Variants in SMG1 observed in about 807,000 individuals in gnomAD.
SMG1 encodes SMG1 nonsense mediated mRNA decay associated PI3K related kinase, also known as serine/threonine-protein kinase SMG1.
SMG1 carries 22 observed loss-of-function variants against 419.9 expected under a neutral mutation model. The ratio of observed to expected loss-of-function variants is 0.05; its 90% confidence interval spans 0.04 to 0.07. The LOEUF (loss-of-function observed/expected upper bound fraction) is 0.07. Among genes scored for constraint, SMG1 ranks in the 10% least tolerant of loss-of-function variants. SMG1 has a pLI of 1.00. For missense variants in SMG1, 3,185 were observed against 4,342.0 expected (o/e 0.73, Z 7.49); for synonymous variants, 1,538 against 1,553.5 (o/e 0.99, Z 0.23).
At chr16:18,923,683 C>T (rs1358757183) in intron 1 of SMG1, among the ~76,000 whole-genome samples, 2 of 151,012 alleles carry the variant, frequency 1.3e-5, no homozygotes, top group African/African-American at 4.9e-5. Context: ...AACCAAAACA[C>T]CAGGGACAAA....
intron 48 of SMG1, among the ~76,000 whole-genome samples, 172 bp downstream of exon 48, chr16:18,835,761 G>A (rs969257395): frequency 1.6e-4 from 24 of 152,178 alleles, no homozygotes; most frequent in South Asian, 4.1e-4. Context: ...AAAATTAGCC[G>A]GGCTTGGTGG....
Position 18,868,288 on chromosome 16 carries a change from A to C in SMG1, c.3097T>G (p.Ser1033Ala), listed in dbSNP as rs1486719166. Residue 1033 changes from serine to alanine, a missense_variant, in exon 22 of 63, where the codon TCC becomes GCC. Ser to Ala is a moderately conservative substitution (Grantham distance 99). Around this residue, in one of 27 missense-constraint regions of SMG1, gnomAD observed 70 missense variants for 185.7 expected, o/e 0.38. Coordinates refer to ENST00000446231, the MANE Select transcript of SMG1 (RefSeq NM_015092.5). ...CQDWLTRIRLSIMRVGLLAGQ... is the reference protein window; with the variant it reads ...CQDWLTRIRLAIMRVGLLAGQ... The stretch of plus-strand genomic sequence containing the variant: ...GCCAACAATCCTACCCTCATGATGG[A>C]GAGTCGAATCCGCGTTAGCCAGTCC... 5 of 1,498,526 alleles carry C rather than the reference A, an allele frequency of 3.3e-6. No individual in the cohort carries two copies. The highest frequency in any genetic ancestry group is 4.5e-6 in the Non-Finnish European group (5 of 1,110,624). The allele number at this position is 1,498,526 out of a possible 1,614,324, so 92.8% of individuals were successfully genotyped here.
chr16:18,858,026 G>A (rs998148437), intron 29 of SMG1, 144 bp downstream of exon 29: 7 of 603,690 alleles, frequency 1.2e-5, no homozygotes, highest in Non-Finnish European at 1.9e-5. Context: ...TCTGTATCTC[G>A]ATCGTATTGG....
rs764902088 is a variant in SMG1 at position 18,925,973 on chromosome 16, C to T, written c.69G>A (p.Arg23=). The change falls in exon 1 of 63, where the codon CGG becomes CGA. Residue 23 remains arginine (R), a synonymous_variant. Coordinates refer to ENST00000446231, the MANE Select transcript of SMG1 (RefSeq NM_015092.5). The stretch of plus-strand genomic sequence containing the variant: ...ACCTGGGTTGCCAGTCATTCCAGCT[C>T]CGCGGATACTTGGTGCCGCCGCCGC... The part of the protein sequence containing the change: ...GGGGGGTKYP[R]SWNDWQPRTD... The T allele has an allele frequency of 1.3e-6, 2 of 1,575,396 alleles. No individual in the cohort carries two copies. The highest frequency in any genetic ancestry group is 1.7e-6 in the Non-Finnish European group (2 of 1,166,940).
chr16:18,887,047 C>A (rs1306636718), intron 6 of SMG1, among the ~76,000 whole-genome samples: 1 of 152,126 alleles, frequency 6.6e-6, no homozygotes, highest in Non-Finnish European at 1.5e-5. Flanking sequence ...GAACTGTCAT[C>A]ATGTGTATGG....
Position 18,920,382 on chromosome 16 carries a change from C to CAA in SMG1, c.92+5566_92+5567dup, listed in dbSNP as rs67904345. Among the ~76,000 whole-genome samples, 65 of 100,774 alleles carry CAA rather than the reference C, an allele frequency of 6.5e-4. 1 individual carries two copies. Among genetic ancestry groups the CAA allele is most frequent in the East Asian group, 5.5e-3 (15 of 2,748 alleles). 66.1% of individuals were successfully genotyped at this position (100,774 alleles called of 152,430 possible). ...GGACAACAAGAGCAAAACTCCGTCT[C>CAA]AAAAAAAAAAAAAAAAAAGTTGGGG... On this transcript the variant is annotated intron_variant, in intron 1 of 62. Coordinates refer to ENST00000446231, the MANE Select transcript of SMG1 (RefSeq NM_015092.5).
At chr16:18,867,930 G>A (rs1304672297) in intron 22 of SMG1, among the ~76,000 whole-genome samples, 4 of 151,640 alleles carry the variant, frequency 2.6e-5, no homozygotes, top group African/African-American at 9.7e-5. Flanking sequence ...GGATGGTCTC[G>A]ATCTCCTGAC....
At chr16:18,815,893 C>G (rs2031956350) in intron 58 of SMG1, 3 of 501,990 alleles carry the variant, frequency 6.0e-6, no homozygotes, top group Non-Finnish European at 7.0e-6. Context: ...TTTCTGGAGG[C>G]TTAGTTTTCT....
At chr16:18,874,432 C>T (rs1414694798) in intron 13 of SMG1, among the ~76,000 whole-genome samples, 1 of 151,756 alleles carries the variant, frequency 6.6e-6, no homozygotes, top group East Asian at 1.9e-4. Context: ...AGCAACCGTG[C>T]CCAGCCCACA....
chr16:18,904,086 C>G (rs1237078531), intron 1 of SMG1, among the ~76,000 whole-genome samples: 1 of 151,042 alleles, frequency 6.6e-6, no homozygotes, highest in Admixed American at 6.6e-5. Context: ...TACAGGCGCC[C>G]AACACCACGC....
At chr16:18,882,077 A>G (rs2036424505) in intron 10 of SMG1, 88 bp downstream of exon 10, 1 of 874,892 alleles carries the variant, frequency 1.1e-6, no homozygotes. Flanking sequence ...ATGAAGGATT[A>G]ATAACAGTTC....
chr16:18,891,711 G>A (rs1231882750), intron 4 of SMG1, among the ~76,000 whole-genome samples: 1 of 152,200 alleles, frequency 6.6e-6, no homozygotes, highest in Non-Finnish European at 1.5e-5. Context: ...TGGGATTACA[G>A]GCATGAGCCA....
chr16:18,916,104 A>AC (rs2037965822), intron 1 of SMG1, among the ~76,000 whole-genome samples: 1 of 150,340 alleles, frequency 6.7e-6, no homozygotes, highest in Admixed American at 6.6e-5. Context: ...AAAAAAAAAA[A>AC]AAACCACCAC....
Position 18,819,551 on chromosome 16 carries a change from A to G in SMG1, c.9845T>C (p.Ile3282Thr). 1.9e-6 allele frequency: 3 copies of G among 1,607,138 alleles called. No homozygotes were observed. Among genetic ancestry groups the G allele is most frequent in the Non-Finnish European group, 1.7e-6 (2 of 1,176,508 alleles). ...APVLQDFEAT[I>T]AERRNLVLKE... ...AAGGACAAGATTTCTTCTTTCAGCT[A>G]TCGTTGCTTCAAAATCTTGTAGTAC... Residue 3282 changes from isoleucine to threonine, a missense_variant, in exon 56 of 63, where the codon ATA becomes ACA. Transcript: ENST00000446231.
At chr16:18,910,967 T>C (rs1160996545) in intron 1 of SMG1, among the ~76,000 whole-genome samples, 2 of 152,232 alleles carry the variant, frequency 1.3e-5, no homozygotes, top group Non-Finnish European at 1.5e-5. Flanking sequence ...GTAAGCAAGC[T>C]ATAAGCTACC....
rs1268607336 is a variant in SMG1 at position 18,820,678 on chromosome 16, G to A, written c.9742-1024C>T. On this transcript the variant is annotated intron_variant, in intron 55 of 62. Transcript: ENST00000446231. ...GTCTCTAAAATCATAAAGAGGAAGA[G>A]TTCATTCTTGTAAGTTGAAAACACA... 6.6e-5 allele frequency among the ~76,000 whole-genome samples: 10 copies of A among 152,290 alleles called. No homozygotes were observed. In the East Asian group the frequency reaches 1.7e-3, roughly 26 times the overall value.
intron 33 of SMG1, among the ~76,000 whole-genome samples, chr16:18,851,418 C>T (rs1366129264): frequency 6.6e-6 from 1 of 152,236 alleles, no homozygotes; most frequent in Non-Finnish European, 1.5e-5. Flanking sequence ...CGCGCACGCG[C>T]ACACACGTCT....
Position 18,834,346 on chromosome 16 carries a change from A to G in SMG1, c.8423T>C (p.Leu2808Pro). 2 of 1,613,876 alleles carry G rather than the reference A, an allele frequency of 1.2e-6. No homozygotes were observed. The change falls in exon 50 of 63, where the codon CTC becomes CCC. Residue 2808 changes from leucine to proline, a missense_variant. Leu to Pro is a moderately conservative substitution (Grantham distance 98). Around this residue, in one of 27 missense-constraint regions of SMG1, gnomAD observed 412 missense variants for 546.6 expected, o/e 0.75. Coordinates refer to ENST00000446231, the MANE Select transcript of SMG1 (RefSeq NM_015092.5). ...GGTGACGTTTCCGCTCATACTGCAG[A>G]GTTCCTCCAAGAACCAGGCTCCATC... is the stretch of plus-strand genomic sequence containing the variant. Reference protein sequence around the residue: ...SRDGAWFLEELCSMSGNVTCL... With the variant: ...SRDGAWFLEEPCSMSGNVTCL...
chr16:18,916,065 G>A (rs543507715), intron 1 of SMG1, among the ~76,000 whole-genome samples: 152 of 69,532 alleles, frequency 2.2e-3, no homozygotes, highest in African/African-American at 8.7e-3. Flanking sequence ...GCGACACTTC[G>A]TCTCAAAAAA....
Sources: allele counts gnomAD v4.1 joint callset (sites outside exome capture counted in the v4.1 genomes callset), GRCh38; gene constraint gnomAD v4.1.1; regional missense constraint gnomAD v4.1.1; transcripts MANE v1.5; gene names NCBI Gene and HGNC (gene_info 2026-07-23, HGNC 2026-07-21).